CLEC16A: variants seen among roughly 807,000 people sequenced by gnomAD.
CLEC16A encodes the protein C-type lectin domain containing 16A.
CLEC16A carries 51 observed loss-of-function variants against 109.5 expected under a neutral mutation model. The observed-to-expected ratio is 0.47, with a 90% CI of 0.37 to 0.59. The LOEUF (loss-of-function observed/expected upper bound fraction) is 0.59, where lower values mean the gene tolerates loss of function less well. Among genes scored for constraint, CLEC16A ranks in the 20% least tolerant of loss-of-function variants. The pLI is 0.00. For synonymous variants in CLEC16A, 673 were observed against 564.2 expected (o/e 1.19, Z -2.73); for missense variants, 1,339 against 1,394.0 (o/e 0.96, Z 0.63).
In CLEC16A at chr16:10,957,878, C is replaced by T. The variant is rs761648351; in HGVS notation, c.177C>T (p.Ile59=). 18 of 1,613,714 alleles carry T rather than the reference C, an allele frequency of 1.1e-5. No homozygotes were observed. In the South Asian group the frequency reaches 1.4e-4, roughly 13 times the overall value. Residue 59 remains isoleucine (I), a synonymous_variant, in exon 2 of 24, where the codon ATC becomes ATT. Coordinates refer to ENST00000409790, the MANE Select transcript of CLEC16A (RefSeq NM_015226.3). The stretch of plus-strand genomic sequence containing the variant: ...TCCGTTCCATCACTGAGATCCTGAT[C>T]TGGGGAGATCAAAATGACAGCTCTG... ...ETIRSITEIL[I]WGDQNDSSVF... is the part of the protein sequence containing the mutation.
intron 13 of CLEC16A, among the ~76,000 whole-genome samples, chr16:11,038,090 C>T (rs1427014454): frequency 4.6e-5 from 7 of 152,090 alleles, no homozygotes; most frequent in African/African-American, 1.7e-4. Context: ...TTAGGCCGTC[C>T]CTCACCCAGG....
At chr16:11,019,574 G>C (rs1365238967) in intron 11 of CLEC16A, among the ~76,000 whole-genome samples, 1 of 152,124 alleles carries the variant, frequency 6.6e-6, no homozygotes, top group Non-Finnish European at 1.5e-5. Flanking sequence ...TTCGAGACCA[G>C]CCTGGCCAAC....
At chr16:11,038,059 A>G (rs1481243297) in intron 13 of CLEC16A, among the ~76,000 whole-genome samples, 1 of 152,120 alleles carries the variant, frequency 6.6e-6, no homozygotes, top group East Asian at 1.9e-4. Context: ...CATGAGAGAG[A>G]CTACTACCCT....
chr16:11,105,722 C>T (rs913341724), intron 19 of CLEC16A, among the ~76,000 whole-genome samples: 5 of 152,212 alleles, frequency 3.3e-5, no homozygotes, highest in African/African-American at 1.2e-4. Context: ...CCTTCAGCTC[C>T]CTGCCTGAAA....
intron 15 of CLEC16A, among the ~76,000 whole-genome samples, chr16:11,043,722 A>G (rs887232004): frequency 2.6e-5 from 4 of 152,020 alleles, no homozygotes; most frequent in African/African-American, 9.7e-5. Context: ...AAAATTAGCC[A>G]GGCATGGTGA....
chr16:11,024,307 T>C (rs1265705133), intron 12 of CLEC16A: 1 of 155,684 alleles, frequency 6.4e-6, no homozygotes, highest in African/African-American at 2.4e-5. Context: ...TTTATGTGAC[T>C]TGCCCAAGGG....
intron 19 of CLEC16A, among the ~76,000 whole-genome samples, chr16:11,118,431 T>C (rs1435151461): frequency 1.3e-5 from 2 of 152,190 alleles, no homozygotes; most frequent in Non-Finnish European, 2.9e-5. Context: ...GCTGTACACA[T>C]CCAATGCCCA....
At chr16:11,071,370 G>A (rs1009142023) in intron 19 of CLEC16A, among the ~76,000 whole-genome samples, 3 of 152,064 alleles carry the variant, frequency 2.0e-5, no homozygotes, top group South Asian at 4.1e-4. Flanking sequence ...GAAGACAGCC[G>A]ACCTGAGTTT....
rs768502892 is a variant in CLEC16A, at chr16:10,962,428, A to C, written c.210-27A>C. 3.7e-6 allele frequency: 6 copies of C among 1,613,720 alleles called. No individual in the cohort carries two copies. In the Admixed American group the frequency reaches 1.0e-4, roughly 27 times the overall value. On this transcript the variant is annotated intron_variant, in intron 2 of 23. Coordinates refer to ENST00000409790, the MANE Select transcript of CLEC16A (RefSeq NM_015226.3). ...CTGTTTCCACATGTGGAAGCAAGCC[A>C]CTGATGCTTTTCCATTCTCTCCCCA...
chr16:11,110,846 G>A (rs1057476269), intron 19 of CLEC16A, among the ~76,000 whole-genome samples: 2 of 152,198 alleles, frequency 1.3e-5, no homozygotes, highest in African/African-American at 4.8e-5. Flanking sequence ...GCAGAGCTGG[G>A]CTTTAAACCC....
At chr16:10,997,205 T>G (rs2044381584) in intron 10 of CLEC16A, among the ~76,000 whole-genome samples, 1 of 152,224 alleles carries the variant, frequency 6.6e-6, no homozygotes, top group South Asian at 2.1e-4. Context: ...CAAGTGATCC[T>G]CCTGCCTTAG....
intron 20 of CLEC16A, 67 bp from the exon 21 acceptor site, chr16:11,123,675 C>T: frequency 1.3e-6 from 2 of 1,487,354 alleles, no homozygotes; most frequent in Non-Finnish European, 1.9e-6. Flanking sequence ...CCTCATGATG[C>T]CACAGCTCCT....
chr16:10,990,583 A>G (rs777716980), intron 10 of CLEC16A, among the ~76,000 whole-genome samples: 6 of 152,210 alleles, frequency 3.9e-5, no homozygotes, highest in Non-Finnish European at 5.9e-5. Context: ...GGAGAAGCCA[A>G]TTGGTAACAA....
intron 5 of CLEC16A, 82 bp downstream of exon 5, chr16:10,971,312 C>G (rs2042776351): frequency 1.5e-5 from 15 of 1,029,466 alleles, no homozygotes; most frequent in Non-Finnish European, 2.2e-5. Flanking sequence ...GCGTACAGTT[C>G]TCCGATTGTC....
chr16:11,146,652 G>C (rs996326726), intron 22 of CLEC16A, among the ~76,000 whole-genome samples: 9 of 151,208 alleles, frequency 6.0e-5, no homozygotes, highest in African/African-American at 1.9e-4. Context: ...TACAGGGATA[G>C]ATAGAAGCCT....
At chr16:11,091,761 G>A (rs1458633002) in intron 19 of CLEC16A, among the ~76,000 whole-genome samples, 1 of 152,186 alleles carries the variant, frequency 6.6e-6, no homozygotes, top group African/African-American at 2.4e-5. Context: ...TCTGATAGGT[G>A]TAAGCTCAAG....
At chr16:11,166,301 G>A in intron 22 of CLEC16A, 87 bp from the exon 23 acceptor site, 1 of 1,426,556 alleles carries the variant, frequency 7.0e-7, no homozygotes, top group Non-Finnish European at 9.4e-7. Context: ...AAGGAACTGA[G>A]GTTGGGTTGT....
intron 22 of CLEC16A, among the ~76,000 whole-genome samples, chr16:11,164,627 A>T (rs1372594389): frequency 6.6e-6 from 1 of 152,256 alleles, no homozygotes; most frequent in Non-Finnish European, 1.5e-5. Context: ...AGAGCCAGGT[A>T]ACCTGGCAAA....
chr16:11,141,806 G>A lies in CLEC16A; in HGVS notation c.2641+15660G>A, dbSNP rs146872869. On this transcript the variant is annotated intron_variant, in intron 22 of 23. Transcript: ENST00000409790. ...TGACAGATCTGCTCCTGAGAACGGC[G>A]CTGCCTCTGCACATCGTGTAGCAGC... Among the ~76,000 whole-genome samples the A allele has an allele frequency of 3.4e-3, 511 of 152,298 alleles. 7 individuals are homozygous for A. The highest frequency in any genetic ancestry group is 0.012 in the African/African-American group (490 of 41,558).
Sources: gnomAD v4.1 joint callset for allele counts (sites outside exome capture counted in the v4.1 genomes callset) on GRCh38, gnomAD v4.1.1 for gene constraint, MANE v1.5 for transcripts, NCBI Gene and HGNC (gene_info 2026-07-23, HGNC 2026-07-21) for gene names.